Variants in CUX1 observed in about 807,000 individuals in gnomAD.
CUX1 encodes the protein protein CASP.
A neutral mutation model predicts 158.8 loss-of-function variants in CUX1; 31 were observed. That is an observed-to-expected ratio of 0.20 (90% CI 0.15 to 0.26). The LOEUF (loss-of-function observed/expected upper bound fraction) is 0.26, where lower values mean the gene tolerates loss of function less well. CUX1 is among the 10% of genes least tolerant of loss of function. The pLI, the probability that CUX1 is intolerant of heterozygous loss-of-function variation, is 1.00. For missense variants in CUX1, 1,589 were observed against 2,014.6 expected (o/e 0.79, Z 4.04); for synonymous variants, 879 against 862.1 (o/e 1.02, Z -0.34).
At chr7:102,259,351 G>T (rs1282903571), downstream of CUX1, among the ~76,000 whole-genome samples, 2 of 152,228 alleles carry the variant, frequency 1.3e-5, no homozygotes, top group Admixed American at 6.5e-5. Context: ...ACTTTGGGAG[G>T]CCGAGGCCGG....
At chr7:102,059,097 AG>A (rs1170145451) in intron 3 of CUX1, among the ~76,000 whole-genome samples, 1 of 152,156 alleles carries the variant, frequency 6.6e-6, no homozygotes, top group East Asian at 1.9e-4. Flanking sequence ...CTGTGGGGAG[AG>A]AGAAGACAGC....
rs145837576 is a variant in CUX1 at position 101,869,487 on chromosome 7, A to G, written c.31-46628A>G. 4.8e-4 allele frequency among the ~76,000 whole-genome samples: 73 copies of G among 152,248 alleles called. No individual in the cohort carries two copies. The highest frequency in any genetic ancestry group is 3.4e-3 in the Middle Eastern group (1 of 294). On this transcript the variant is annotated intron_variant, in intron 1 of 23. Transcript: ENST00000292535. The surrounding 1 kb of genome is among the most constrained non-coding windows in gnomAD (Gnocchi z 4.5). Reference sequence around the variant, plus strand: ...CAACGCATCTCTGAGGATGGAATTTAAAGGCAAGAGCTGGAGGCCCAGGGC... The same window carrying G: ...CAACGCATCTCTGAGGATGGAATTTGAAGGCAAGAGCTGGAGGCCCAGGGC...
intron 7 of CUX1, among the ~76,000 whole-genome samples, chr7:102,114,426 G>A (rs995842458): frequency 1.4e-4 from 21 of 152,206 alleles, no homozygotes; most frequent in Admixed American, 2.0e-4. Flanking sequence ...CAGGCTATGC[G>A]CCACCATGCT....
chr7:102,185,632 G>T (rs1445512348), intron 11 of CUX1, among the ~76,000 whole-genome samples: 1 of 151,302 alleles, frequency 6.6e-6, no homozygotes, highest in Admixed American at 6.6e-5. Flanking sequence ...TAGAGACGGG[G>T]TCTTGCTATG....
intron 4 of CUX1, among the ~76,000 whole-genome samples, chr7:102,082,565 G>A (rs1168576269): frequency 2.7e-5 from 4 of 147,254 alleles, no homozygotes; most frequent in Admixed American, 1.4e-4. Context: ...CTCATTTCAA[G>A]TGTGCAGTGT....
intron 3 of CUX1, among the ~76,000 whole-genome samples, chr7:102,029,228 G>T (rs1159484273): frequency 6.6e-6 from 1 of 152,048 alleles, no homozygotes; most frequent in Non-Finnish European, 1.5e-5. Context: ...CCTGACCTCA[G>T]GTGATCCACC....
chr7:102,112,899 T>A (rs11977667), intron 7 of CUX1, among the ~76,000 whole-genome samples: 12,758 of 152,222 alleles, frequency 0.084, 719 homozygotes, highest in African/African-American at 0.15. Flanking sequence ...TTTTATTATT[T>A]TTTTTGATGA....
chr7:101,907,556 C>T (rs1285791482), intron 1 of CUX1, among the ~76,000 whole-genome samples: 1 of 151,988 alleles, frequency 6.6e-6, no homozygotes, highest in Non-Finnish European at 1.5e-5. Context: ...ACCATGTTGG[C>T]CTGGCTGGTT....
rs1430049873 is a variant in CUX1 at position 102,249,963 on chromosome 7, A to G, written c.*921A>G. 1.0e-6 allele frequency: 1 copy of G among 985,354 alleles called. No homozygotes were observed. The highest frequency in any genetic ancestry group is 1.8e-5 in the African/African-American group (1 of 57,094). The allele number at this position is 985,354 out of a possible 1,614,324, so 61.0% of individuals were successfully genotyped here. A position where few individuals can be genotyped will look rare whatever the true frequency, so the allele number is the denominator to read the frequency against. On this transcript the variant is annotated 3_prime_UTR_variant, in exon 24 of 24. Transcript: ENST00000292535. ...AATAGAATCCTGACATGTAGTGCAC[A>G]TTGATGTATAGCTTTAACTGACCCT... is the stretch of plus-strand genomic sequence containing the variant.
intron 9 of CUX1, among the ~76,000 whole-genome samples, chr7:102,165,915 C>T (rs1006400364): frequency 4.6e-5 from 7 of 152,206 alleles, no homozygotes; most frequent in Non-Finnish European, 8.8e-5. Context: ...TATTTGCTGG[C>T]TTGACTCTAA....
chr7:102,223,258 A>C (rs782358684), intron 20 of CUX1, among the ~76,000 whole-genome samples: 1 of 152,036 alleles, frequency 6.6e-6, no homozygotes, highest in Non-Finnish European at 1.5e-5. Flanking sequence ...CCCTGTCTCT[A>C]TTTTTTAAAG....
At position 102,201,899 on chromosome 7, in the gene CUX1, A is replaced by G. The variant is rs781955482; in HGVS notation, c.2602A>G (p.Ser868Gly). Residue 868 changes from serine (S) to glycine (G), a missense_variant, in exon 18 of 24, where the codon AGT becomes GGT. This residue lies in a region of CUX1 where 337 missense variants were observed against 409.3 expected (regional missense o/e 0.82). Transcript: ENST00000292535. The surrounding 1 kb of genome is among the most constrained non-coding windows in gnomAD (Gnocchi z 5.0). ...TGGCAGCCAGCCTCGGGCCGAGCGCAGTCAGCTCCAGGGACCCTCGTCGTC... is the reference window on the plus strand; with the variant it reads ...TGGCAGCCAGCCTCGGGCCGAGCGCGGTCAGCTCCAGGGACCCTCGTCGTC... ...GGGSQPRAER[S>G]QLQGPSSSEY... The G allele has an allele frequency of 5.6e-6, 9 of 1,613,810 alleles. No individual in the cohort carries two copies. Among genetic ancestry groups the G allele is most frequent in the East Asian group, 2.2e-5 (1 of 44,882 alleles).
intron 2 of CUX1, among the ~76,000 whole-genome samples, chr7:101,991,694 G>T (rs1815154767): frequency 6.6e-6 from 1 of 151,520 alleles, no homozygotes; most frequent in African/African-American, 2.4e-5. Context: ...GGGAGGCAGA[G>T]GTTGCAGTGA....
chr7:102,196,679 C>T lies in CUX1; in HGVS notation c.1268C>T (p.Pro423Leu). ...AAAGACCAGCCTGAAAGTCGGCGCC[C>T]GGGATCTTTGCCGGCCCCCCCTCCT... Reference protein sequence around the residue: ...KGKDQPESRRPGSLPAPPPSQ... With the variant: ...KGKDQPESRRLGSLPAPPPSQ... The change falls in exon 15 of 24, where the codon CCG (proline) becomes CTG (leucine). Residue 423 changes from proline to leucine, a missense_variant. Around this residue, in one of 8 missense-constraint regions of CUX1, gnomAD observed 515 missense variants for 574.4 expected, o/e 0.90. Transcript: ENST00000292535. The T allele has an allele frequency of 6.3e-7, 1 of 1,599,096 alleles. No individual in the cohort carries two copies. Among genetic ancestry groups the T allele is most frequent in the Non-Finnish European group, 8.5e-7 (1 of 1,171,718 alleles).
chr7:102,249,301 G>A lies in CUX1; in HGVS notation c.*259G>A. The stretch of plus-strand genomic sequence containing the variant: ...CGGCCTCCACCAACCCCGCGGCCCA[G>A]ACCCAGCCCGCGGCCTGGACCCCTG... On this transcript the variant is annotated 3_prime_UTR_variant, in exon 24 of 24. Transcript: ENST00000292535. 9.7e-7 allele frequency: 1 copy of A among 1,035,888 alleles called. No individual in the cohort carries two copies. Among genetic ancestry groups the A allele is most frequent in the Non-Finnish European group, 1.2e-6 (1 of 862,114 alleles). The allele number at this position is 1,035,888 out of a possible 1,614,324, so 64.2% of individuals were successfully genotyped here. A position where few individuals can be genotyped will look rare whatever the true frequency, so the allele number is the denominator to read the frequency against.
chr7:102,143,606 A>G (rs560449461), intron 8 of CUX1, among the ~76,000 whole-genome samples: 1 of 151,908 alleles, frequency 6.6e-6, no homozygotes, highest in Non-Finnish European at 1.5e-5. Context: ...AAACATATAT[A>G]TGGTATATTA....
At position 102,111,716 on chromosome 7, in the gene CUX1, G is replaced by C. The variant is rs782638309; in HGVS notation, c.549G>C (p.Gln183His). 1 of 1,614,226 alleles carries C rather than the reference G, an allele frequency of 6.2e-7. No individual in the cohort carries two copies. Among genetic ancestry groups the C allele is most frequent in the South Asian group, 1.1e-5 (1 of 91,092 alleles). The change falls in exon 7 of 24, where the codon CAG becomes CAC. Residue 183 changes from glutamine to histidine, a missense_variant. Transcript: ENST00000292535. Reference sequence around the variant, plus strand: ...TTTGCAGAAAGCTGCAGGAGACACAGATGTCCACCACCTCAAAGCTGGAGG... The same window carrying C: ...TTTGCAGAAAGCTGCAGGAGACACACATGTCCACCACCTCAAAGCTGGAGG... Reference protein sequence around the residue: ...AEKERKLQETQMSTTSKLEEA... With the variant: ...AEKERKLQETHMSTTSKLEEA...
chr7:101,817,268 C>T (rs1259549953), upstream of CUX1: 15 of 984,776 alleles, frequency 1.5e-5, no homozygotes, highest in Non-Finnish European at 1.8e-5. The surrounding 1 kb of genome is among the most constrained non-coding windows in gnomAD (Gnocchi z 4.1). Flanking sequence ...TCCGGCGGCC[C>T]CCGGTGACCT....
chr7:101,930,071 A>G (rs1438797287), intron 2 of CUX1, among the ~76,000 whole-genome samples: 1 of 152,018 alleles, frequency 6.6e-6, no homozygotes, highest in Non-Finnish European at 1.5e-5. Context: ...TGATCTCTTC[A>G]CCTCAGGTGA....
Sources: allele counts gnomAD v4.1 joint callset (sites outside exome capture counted in the v4.1 genomes callset), GRCh38; gene constraint gnomAD v4.1.1; regional missense constraint gnomAD v4.1.1; non-coding constraint Gnocchi (gnomAD v3.1); transcripts MANE v1.5; gene names NCBI Gene and HGNC (gene_info 2026-07-23, HGNC 2026-07-21).